The following RARS1 variants were observed in gnomAD, a reference collection of about 807,000 sequenced individuals.
RARS1 encodes the protein arginyl-tRNA synthetase 1.
In RARS1, 75 loss-of-function variants were observed where a neutral mutation model predicts 78.7. That is an observed-to-expected ratio of 0.95 (90% CI 0.79 to 1.15). The LOEUF (loss-of-function observed/expected upper bound fraction) is 1.15, where lower values mean the gene tolerates loss of function less well. RARS1 is among the 50% of genes most tolerant of loss of function. RARS1 has a pLI of 0.00. For missense variants in RARS1, 787 were observed against 787.5 expected, an observed-to-expected ratio of 1.00 and a Z score of 0.01; for synonymous variants, 273 against 268.2, an observed-to-expected ratio of 1.02 and a Z score of -0.18.
intron 11 of RARS1, among the ~76,000 whole-genome samples, chr5:168,509,438 AC>A (rs10533468): frequency 0.3 from 35,171 of 117,096 alleles, 4,831 homozygotes; most frequent in East Asian, 0.53. Flanking sequence ...TTTTTTAAAC[AC>A]CCCCCCCCCC....
rs752688554 is a variant in RARS1, at chr5:168,510,615, C to T, written c.1381C>T (p.Arg461Cys). The change falls in exon 12 of 15, where the codon CGC becomes TGC. Residue 461 changes from arginine to cysteine, a missense_variant. By Grantham distance (180) the Arg-to-Cys change is radical. Coordinates refer to ENST00000231572, the MANE Select transcript of RARS1 (RefSeq NM_002887.4). The part of the protein sequence containing the change: ...KFKTRSGETV[R>C]LMDLLGEGLK... ...TAAAACACGTTCGGGTGAAACAGTG[C>T]GCCTCATGGATCTTCTGGGAGAAGG... 1.2e-5 allele frequency: 19 copies of T among 1,610,246 alleles called. No homozygotes were observed. The highest frequency in any genetic ancestry group is 6.7e-5 in the East Asian group (3 of 44,744).
At chr5:168,488,081 G>A (rs1372026507) in intron 1 of RARS1, 2 of 285,852 alleles carry the variant, frequency 7.0e-6, no homozygotes, top group Middle Eastern at 1.3e-3. Flanking sequence ...TACTTACTCC[G>A]ATTCCTGTCT....
At chr5:168,492,316 C>T (rs1758103104) in intron 2 of RARS1, among the ~76,000 whole-genome samples, 1 of 152,106 alleles carries the variant, frequency 6.6e-6, no homozygotes, top group East Asian at 1.9e-4. Context: ...GTTTTCACTT[C>T]CAATATTTGA....
chr5:168,507,971 GGC>G (rs1288016064), intron 11 of RARS1, among the ~76,000 whole-genome samples: 5 of 151,988 alleles, frequency 3.3e-5, no homozygotes, highest in Non-Finnish European at 7.4e-5. Context: ...GTTACAGTGA[GGC>G]GAGATCATAT....
chr5:168,492,721 A>G lies in RARS1; in HGVS notation c.243A>G (p.Gln81=), dbSNP rs2305727. The G allele has an allele frequency of 0.17, 268,504 of 1,611,766 alleles. 24,633 individuals are homozygous for G. The highest frequency in any genetic ancestry group is 0.19 in the Non-Finnish European group (224,474 of 1,177,902). Reference sequence around the variant, plus strand: ...TGATTAACATTATTAGCCGCCTACAAGAGGTCTTTGGTCATGCAATTAAGG... The same window carrying G: ...TGATTAACATTATTAGCCGCCTACAGGAGGTCTTTGGTCATGCAATTAAGG... ...KNMINIISRL[Q]EVFGHAIKAA... Residue 81 remains glutamine (Q), a synonymous_variant, in exon 3 of 15, where the codon CAA becomes CAG. Transcript: ENST00000231572.
In RARS1 at chr5:168,516,827, G is replaced by T. The variant is rs2113038672; in HGVS notation, c.1502G>T (p.Gly501Val). The change falls in exon 13 of 15, where the codon GGC (glycine) becomes GTC (valine). Residue 501 changes from glycine to valine, a missense_variant. Coordinates refer to ENST00000231572, the MANE Select transcript of RARS1 (RefSeq NM_002887.4). The stretch of plus-strand genomic sequence containing the variant: ...GCTGCTCAGACATCCGTTGCGTATG[G>T]CTGCATCAAATATGCTGACCTTTCC... ...LNAAQTSVAYGCIKYADLSHN... is the reference protein window; with the variant it reads ...LNAAQTSVAYVCIKYADLSHN... The T allele has an allele frequency of 1.2e-6, 2 of 1,614,116 alleles. No individual in the cohort carries two copies. Among genetic ancestry groups the T allele is most frequent in the East Asian group, 2.2e-5 (1 of 44,878 alleles).
Position 168,488,829 on chromosome 5 carries a change from A to G in RARS1, c.180+93A>G, listed in dbSNP as rs904944005. 4.7e-5 allele frequency: 66 copies of G among 1,393,142 alleles called. No individual in the cohort carries two copies. In the African/African-American group the frequency reaches 6.8e-4, roughly 14 times the overall value. The allele number at this position is 1,393,142 out of a possible 1,614,324, so 86.3% of individuals were successfully genotyped here. A position where few individuals can be genotyped will look rare whatever the true frequency, so the allele number is the denominator to read the frequency against. ...ACCAAAGATTCTGGAAGTATATCCT[A>G]TGGAATTTGGAAAAGAAGCATAGAA... is the stretch of plus-strand genomic sequence containing the variant. On this transcript the variant is annotated intron_variant, in intron 2 of 14. Coordinates refer to ENST00000231572, the MANE Select transcript of RARS1 (RefSeq NM_002887.4).
Position 168,516,897 on chromosome 5 carries a change from A to G in RARS1, c.1572A>G (p.Leu524=). The change falls in exon 13 of 15, where the codon CTA becomes CTG. Residue 524 remains leucine, a synonymous_variant. Transcript: ENST00000231572. The part of the protein sequence containing the change: ...NDYIFSFDKM[L]DDRGNTAAYL... ...ACATCTTCTCCTTTGACAAAATGCTAGATGACAGAGGAAATACAGCTGCTT... is the reference window on the plus strand; with the variant it reads ...ACATCTTCTCCTTTGACAAAATGCTGGATGACAGAGGAAATACAGCTGCTT... 6.2e-7 allele frequency: 1 copy of G among 1,614,172 alleles called. No individual in the cohort carries two copies. The highest frequency in any genetic ancestry group is 1.1e-5 in the South Asian group (1 of 91,076).
intron 9 of RARS1, among the ~76,000 whole-genome samples, chr5:168,504,853 C>T (rs552340883): frequency 1.7e-4 from 26 of 151,746 alleles, no homozygotes; most frequent in African/African-American, 3.1e-4. Flanking sequence ...CAGGCGTGAT[C>T]GTGCATGCCT....
chr5:168,486,996 T>C (rs1757978286), intron 1 of RARS1, among the ~76,000 whole-genome samples: 1 of 151,856 alleles, frequency 6.6e-6, no homozygotes, highest in African/African-American at 2.4e-5. Context: ...GCCCATGGGG[T>C]GATTCATTAT....
chr5:168,492,916 G>A, intron 3 of RARS1, 69 bp downstream of exon 3: 1 of 1,289,340 alleles, frequency 7.8e-7, no homozygotes, highest in Non-Finnish European at 1.1e-6. Flanking sequence ...GCCATTTACA[G>A]AAATAATACT....
chr5:168,510,912 T>C (rs1426953233), intron 12 of RARS1, among the ~76,000 whole-genome samples: 3 of 152,218 alleles, frequency 2.0e-5, no homozygotes, highest in African/African-American at 7.2e-5. Flanking sequence ...TTTCCTCCTT[T>C]GTTAATGTAG....
At chr5:168,497,579 C>G (rs1176682876) in intron 7 of RARS1, among the ~76,000 whole-genome samples, 1 of 151,906 alleles carries the variant, frequency 6.6e-6, no homozygotes, top group African/African-American at 2.4e-5. Flanking sequence ...GCAGGCTGTA[C>G]AAGCATGGCG....
rs367588529 is a variant in RARS1, at chr5:168,494,584, A to G, written c.513A>G (p.Val171=). 6 of 1,611,720 alleles carry G rather than the reference A, an allele frequency of 3.7e-6. No homozygotes were observed. The highest frequency in any genetic ancestry group is 2.2e-5 in the South Asian group (2 of 91,032). The change falls in exon 5 of 15, where the codon GTA becomes GTG. Residue 171 remains valine (V), a synonymous_variant. Coordinates refer to ENST00000231572, the MANE Select transcript of RARS1 (RefSeq NM_002887.4). ...ATGTCCACTTAAGAAAGGATTTTGT[A>G]TCAGAACAATTGACCAGTCTTCTAG... ...FINVHLRKDF[V]SEQLTSLLVN... is the part of the protein sequence containing the mutation.
In RARS1 at chr5:168,506,079, A is replaced by G. The variant is rs770827101; in HGVS notation, c.1116A>G (p.Pro372=). 1.3e-5 allele frequency: 21 copies of G among 1,608,598 alleles called. No individual in the cohort carries two copies. The highest frequency in any genetic ancestry group is 1.8e-5 in the Non-Finnish European group (21 of 1,177,616). ...KIVFVPGCSI[P]LTIVKSDGGY... Reference sequence around the variant, plus strand: ...TATTTGTCCCAGGGTGTTCCATACCATTAACCATAGTAAAATCAGATGGAG... The same window carrying G: ...TATTTGTCCCAGGGTGTTCCATACCGTTAACCATAGTAAAATCAGATGGAG... The change falls in exon 10 of 15, where the codon CCA becomes CCG. Residue 372 remains proline, a synonymous_variant. Coordinates refer to ENST00000231572, the MANE Select transcript of RARS1 (RefSeq NM_002887.4).
intron 11 of RARS1, among the ~76,000 whole-genome samples, chr5:168,509,232 C>T (rs1211789356): frequency 6.6e-6 from 1 of 151,954 alleles, no homozygotes; most frequent in Non-Finnish European, 1.5e-5. Flanking sequence ...AGTGTATGGG[C>T]TAAAGAAAGC....
At chr5:168,493,750 T>A (rs1252020517) in intron 3 of RARS1, 144 bp from the exon 4 acceptor site, 1 of 627,242 alleles carries the variant, frequency 1.6e-6, no homozygotes, top group Non-Finnish European at 2.8e-6. Context: ...CTTTAATCTG[T>A]CATTCATAAT....
At chr5:168,502,384 A>ATATATTT (rs1280220276) in intron 9 of RARS1, among the ~76,000 whole-genome samples, 3 of 127,246 alleles carry the variant, frequency 2.4e-5, no homozygotes, top group African/African-American at 9.5e-5. Flanking sequence ...ATATATATAT[A>ATATATTT]TTTTTTTTTT....
At chr5:168,511,642 TC>T (rs1304345183) in intron 12 of RARS1, among the ~76,000 whole-genome samples, 1 of 152,156 alleles carries the variant, frequency 6.6e-6, no homozygotes, top group Non-Finnish European at 1.5e-5. Context: ...TTTTAACCAC[TC>T]CAGCTAGTAA....
Sources: allele counts gnomAD v4.1 joint callset (sites outside exome capture counted in the v4.1 genomes callset), GRCh38; gene constraint gnomAD v4.1.1; transcripts MANE v1.5; gene names NCBI Gene and HGNC (gene_info 2026-07-23, HGNC 2026-07-21).